ADGRL2: variants seen among roughly 807,000 people sequenced by gnomAD.
The protein encoded by ADGRL2 is adhesion G protein-coupled receptor L2.
In ADGRL2, 44 loss-of-function variants were observed where a neutral mutation model predicts 157.4. The observed-to-expected ratio is 0.28, with a 90% CI of 0.22 to 0.36. ADGRL2 has a LOEUF of 0.36. Among genes scored for constraint, ADGRL2 ranks in the 10% least tolerant of loss-of-function variants. The pLI is 1.00. For missense variants in ADGRL2, 1,510 were observed against 1,768.9 expected, an observed-to-expected ratio of 0.85 and a Z score of 2.63; for synonymous variants, 585 against 624.7, an observed-to-expected ratio of 0.94 and a Z score of 0.95.
intron 2 of ADGRL2, among the ~76,000 whole-genome samples, chr1:81,484,333 A>G (rs1463211742): frequency 6.6e-6 from 1 of 152,270 alleles, no homozygotes; most frequent in African/African-American, 2.4e-5. Context: ...GCCCATGTCA[A>G]CAGATCATTT....
At chr1:81,933,553 A>G (rs2148814152) in intron 3 of ADGRL2, among the ~76,000 whole-genome samples, 1 of 152,310 alleles carries the variant, frequency 6.6e-6, no homozygotes, top group African/African-American at 2.4e-5. Context: ...CTTGGCGGGA[A>G]TTTACTTTGC....
intron 1 of ADGRL2, among the ~76,000 whole-genome samples, chr1:81,757,548 T>C (rs2085733499): frequency 6.6e-6 from 1 of 152,210 alleles, no homozygotes; most frequent in Non-Finnish European, 1.5e-5. Flanking sequence ...CCAATCCAGC[T>C]GTTTCTGTAC....
chr1:81,745,696 G>A (rs1158156346), intron 1 of ADGRL2, among the ~76,000 whole-genome samples: 2 of 152,092 alleles, frequency 1.3e-5, no homozygotes, highest in Non-Finnish European at 2.9e-5. Flanking sequence ...TTATAAGGGG[G>A]GAAATGTAGC....
chr1:81,425,586 A>G (rs2077197886), intron 1 of ADGRL2, among the ~76,000 whole-genome samples: 1 of 152,216 alleles, frequency 6.6e-6, no homozygotes, highest in African/African-American at 2.4e-5. Context: ...ACTAGTCTGA[A>G]TTCAGAAAGC....
At chr1:81,397,971 A>G (rs1222576983) in intron 1 of ADGRL2, among the ~76,000 whole-genome samples, 3 of 152,066 alleles carry the variant, frequency 2.0e-5, no homozygotes, top group African/African-American at 7.2e-5. Context: ...AGCTAATAAC[A>G]TTTGTTTTAT....
At chr1:81,948,833 G>A (rs554621329) in intron 6 of ADGRL2, among the ~76,000 whole-genome samples, 12 of 152,224 alleles carry the variant, frequency 7.9e-5, no homozygotes, top group African/African-American at 2.4e-4. Flanking sequence ...TGAGGTAGAG[G>A]GGGGGAAAGG....
At chr1:81,475,472 A>G (rs1019930957) in intron 2 of ADGRL2, among the ~76,000 whole-genome samples, 1 of 152,206 alleles carries the variant, frequency 6.6e-6, no homozygotes, top group Non-Finnish European at 1.5e-5. Flanking sequence ...TAAAGCATTT[A>G]TGCAGATTTT....
intron 2 of ADGRL2, among the ~76,000 whole-genome samples, chr1:81,891,880 A>G (rs77755905): frequency 4.6e-5 from 7 of 152,140 alleles, no homozygotes; most frequent in African/African-American, 1.7e-4. Context: ...TAACACTGAA[A>G]TTATTAACGC....
chr1:81,474,850 G>C (rs1228148334), intron 2 of ADGRL2, among the ~76,000 whole-genome samples: 1 of 152,084 alleles, frequency 6.6e-6, no homozygotes, highest in Non-Finnish European at 1.5e-5. Context: ...TTGAGATTGA[G>C]TTTTGAGTAT....
intron 3 of ADGRL2, among the ~76,000 whole-genome samples, chr1:81,924,341 C>T (rs2095055926): frequency 6.6e-6 from 1 of 152,156 alleles, no homozygotes; most frequent in African/African-American, 2.4e-5. Context: ...AGTTCAAGAA[C>T]TGTACATAGT....
chr1:81,881,301 G>A (rs962779840), intron 2 of ADGRL2, among the ~76,000 whole-genome samples: 2 of 152,020 alleles, frequency 1.3e-5, no homozygotes, highest in Admixed American at 6.6e-5. Flanking sequence ...TCAGCCTCCC[G>A]AGTAGCTGAG....
intron 1 of ADGRL2, among the ~76,000 whole-genome samples, chr1:81,719,644 C>A (rs2084231113): frequency 6.6e-6 from 1 of 152,006 alleles, no homozygotes; most frequent in Non-Finnish European, 1.5e-5. Context: ...TTTCTCTTTA[C>A]TCTCTCCAGT....
At chr1:81,521,264 T>C (rs1266495424) in intron 2 of ADGRL2, among the ~76,000 whole-genome samples, 1 of 152,204 alleles carries the variant, frequency 6.6e-6, no homozygotes, top group Non-Finnish European at 1.5e-5. Context: ...AATTATACTA[T>C]ATAGTGATGT....
intron 3 of ADGRL2, among the ~76,000 whole-genome samples, chr1:81,670,367 A>G (rs1311364156): frequency 6.6e-6 from 1 of 152,140 alleles, no homozygotes; most frequent in African/African-American, 2.4e-5. Flanking sequence ...TCTAGACTGT[A>G]TTCTGCTCTC....
intron 1 of ADGRL2, among the ~76,000 whole-genome samples, chr1:81,718,293 C>T (rs567821042): frequency 1.3e-5 from 2 of 152,322 alleles, no homozygotes; most frequent in African/African-American, 4.8e-5. Context: ...ACTGGGATTA[C>T]AGGCGTGAGC....
intron 1 of ADGRL2, among the ~76,000 whole-genome samples, chr1:81,403,793 T>G (rs187111621): frequency 1.5e-5 from 2 of 135,126 alleles, no homozygotes; most frequent in African/African-American, 5.5e-5. Flanking sequence ...AAAGCCAATG[T>G]CTTTGATTTT....
At chr1:81,310,047 T>C (rs1659636828) in intron 1 of ADGRL2, among the ~76,000 whole-genome samples, 1 of 152,152 alleles carries the variant, frequency 6.6e-6, no homozygotes, top group East Asian at 1.9e-4. Flanking sequence ...AGTGGCTCTT[T>C]TCCTTACCTT....
intron 2 of ADGRL2, among the ~76,000 whole-genome samples, chr1:81,554,189 G>C (rs574722710): frequency 1.3e-5 from 2 of 152,296 alleles, no homozygotes; most frequent in South Asian, 4.1e-4. Flanking sequence ...CATAATGATT[G>C]GTTCCAGGAG....
At chr1:81,850,506 C>A (rs2150496541) in intron 2 of ADGRL2, among the ~76,000 whole-genome samples, 1 of 151,982 alleles carries the variant, frequency 6.6e-6, no homozygotes, top group South Asian at 2.1e-4. Flanking sequence ...ACCTTTTTGA[C>A]TTCAAAGTGA....
Sources: gnomAD v4.1 joint callset for allele counts (sites outside exome capture counted in the v4.1 genomes callset) on GRCh38, gnomAD v4.1.1 for gene constraint, MANE v1.5 for transcripts, NCBI Gene and HGNC (gene_info 2026-07-23, HGNC 2026-07-21) for gene names.